ADGRL2: variants seen among roughly 807,000 people sequenced by gnomAD.
The protein encoded by ADGRL2 is calcium-independent alpha-latrotoxin receptor 2.
ADGRL2 carries 44 observed loss-of-function variants against 157.4 expected under a neutral mutation model. The observed-to-expected ratio is 0.28, with a 90% CI of 0.22 to 0.36. The LOEUF (loss-of-function observed/expected upper bound fraction) is 0.36. ADGRL2 is among the 10% of genes least tolerant of loss of function. The pLI, the probability that ADGRL2 is intolerant of heterozygous loss-of-function variation, is 1.00. For synonymous variants in ADGRL2, 585 were observed against 624.7 expected (o/e 0.94, Z 0.95); for missense variants, 1,510 against 1,768.9 (o/e 0.85, Z 2.63).
chr1:81,477,676 G>A (rs983544542), intron 2 of ADGRL2, among the ~76,000 whole-genome samples: 108 of 152,282 alleles, frequency 7.1e-4, no homozygotes, highest in African/African-American at 2.5e-3. Context: ...ACAGATGCAT[G>A]CAGCCATTTA....
chr1:81,733,365 A>C (rs1031081549), intron 1 of ADGRL2, among the ~76,000 whole-genome samples: 4 of 152,372 alleles, frequency 2.6e-5, no homozygotes, highest in African/African-American at 9.6e-5. Flanking sequence ...TGGAGGCTAG[A>C]AGTCTGAGAC....
At chr1:81,420,897 G>A (rs2077112368) in intron 1 of ADGRL2, among the ~76,000 whole-genome samples, 1 of 152,162 alleles carries the variant, frequency 6.6e-6, no homozygotes, top group Admixed American at 6.5e-5. Context: ...CTGAGTAAAA[G>A]CACTGTGGTG....
intron 2 of ADGRL2, among the ~76,000 whole-genome samples, chr1:81,843,899 C>T (rs2092691833): frequency 6.6e-6 from 1 of 152,026 alleles, no homozygotes; most frequent in East Asian, 1.9e-4. Flanking sequence ...TGATTCCATC[C>T]TCTTTTGCCT....
chr1:81,416,456 C>T (rs1346364903), intron 1 of ADGRL2, among the ~76,000 whole-genome samples: 1 of 152,126 alleles, frequency 6.6e-6, no homozygotes, highest in African/African-American at 2.4e-5. Context: ...GTGCTACCTC[C>T]TCTGTAACTT....
In ADGRL2 at chr1:81,936,711, T is replaced by G; in HGVS notation, c.288-17T>G. 10 of 1,335,350 alleles carry G rather than the reference T, an allele frequency of 7.5e-6. No homozygotes were observed. Among genetic ancestry groups the G allele is most frequent in the Non-Finnish European group, 1.1e-5 (10 of 936,322 alleles). The allele number at this position is 1,335,350 out of a possible 1,614,324, so 82.7% of individuals were successfully genotyped here. A position where few individuals can be genotyped will look rare whatever the true frequency, so the allele number is the denominator to read the frequency against. ...AATAAATTATGTTACACAAGTTTGA[T>G]ACATTTTGTTTTTCAGGTGCAACAA... On this transcript the variant is annotated splice_polypyrimidine_tract_variant and intron_variant, in intron 3 of 23. Coordinates refer to ENST00000686636, the MANE Select transcript of ADGRL2 (RefSeq NM_001366006.2).
At chr1:81,577,344 C>T (rs971576656) in intron 2 of ADGRL2, among the ~76,000 whole-genome samples, 1 of 152,302 alleles carries the variant, frequency 6.6e-6, no homozygotes, top group Admixed American at 6.5e-5. Context: ...CTCCTTGAGT[C>T]CTTCTACCTT....
chr1:81,491,835 G>A (rs17106547), intron 2 of ADGRL2, among the ~76,000 whole-genome samples: 10,693 of 152,122 alleles, frequency 0.07, 440 homozygotes, highest in African/African-American at 0.11. Flanking sequence ...TACTGTGCTC[G>A]CGAAATGTTG....
chr1:81,325,209 AAC>A lies in ADGRL2; in HGVS notation c.-302+18701_-302+18702del, dbSNP rs1660812722. ...TCAAGTTTACACAGAGGTGCACTTCAACCCAGTCCACGAAAGAACTGTTTTTA... is the reference window on the plus strand; with the variant it reads ...TCAAGTTTACACAGAGGTGCACTTCACCAGTCCACGAAAGAACTGTTTTTA... On this transcript the variant is annotated intron_variant, in intron 1 of 24. Coordinates refer to the ADGRL2 transcript ENST00000370721. Among the ~76,000 whole-genome samples the A allele has an allele frequency of 2.0e-5, 3 of 152,316 alleles. No individual in the cohort carries two copies. In the South Asian group the frequency reaches 6.2e-4, roughly 32 times the overall value.
chr1:81,985,307 T>C lies in ADGRL2; in HGVS notation c.3460T>C (p.Ser1154Pro). Reference protein sequence around the residue: ...WNDTVRKQSESSFISGDINST... With the variant: ...WNDTVRKQSEPSFISGDINST... ...TGATACTGTGAGAAAACAATCAGAA[T>C]CTTCTTTTATCTCAGGTGACATCAA... Residue 1154 changes from serine to proline, a missense_variant, in exon 21 of 24, where the codon TCT (serine) becomes CCT (proline). Physicochemically the swap from Ser to Pro is moderately conservative, Grantham distance 74 (BLOSUM62 -1). Transcript: ENST00000686636. 6.2e-7 allele frequency: 1 copy of C among 1,607,738 alleles called. No homozygotes were observed. Among genetic ancestry groups the C allele is most frequent in the Non-Finnish European group, 8.5e-7 (1 of 1,175,726 alleles).
At chr1:81,332,390 A>T (rs998167818) in intron 1 of ADGRL2, among the ~76,000 whole-genome samples, 1 of 152,158 alleles carries the variant, frequency 6.6e-6, no homozygotes, top group African/African-American at 2.4e-5. Context: ...GAGCTTGGTA[A>T]TCAAAAAACA....
At position 81,951,979 on chromosome 1, in the gene ADGRL2, C is replaced by T; in HGVS notation, c.1631C>T (p.Ala544Val). Residue 544 changes from alanine (A) to valine (V), a missense_variant, in exon 9 of 24, where the codon GCT (alanine) becomes GTT (valine). Ala to Val is a moderately conservative substitution (Grantham distance 64). This residue lies in a region of ADGRL2 where 325 missense variants were observed against 333.2 expected (regional missense o/e 0.98). Coordinates refer to ENST00000686636, the MANE Select transcript of ADGRL2 (RefSeq NM_001366006.2). ...CAGATCAGAAGCGGAGAAAATGCTG[C>T]TAGTCTTGCCAATGAACTGGCTAAA... Reference protein sequence around the residue: ...AQKIRSGENAASLANELAKHT... With the variant: ...AQKIRSGENAVSLANELAKHT... The T allele has an allele frequency of 6.2e-7, 1 of 1,606,956 alleles. No homozygotes were observed. Among genetic ancestry groups the T allele is most frequent in the Non-Finnish European group, 8.5e-7 (1 of 1,176,416 alleles).
At chr1:81,340,781 TGTGA>T (rs539168481) in intron 1 of ADGRL2, among the ~76,000 whole-genome samples, 116 of 152,200 alleles carry the variant, frequency 7.6e-4, no homozygotes, top group African/African-American at 2.6e-3. Flanking sequence ...TATGCTCCAG[TGTGA>T]GTTAGTCTAT....
intron 2 of ADGRL2, among the ~76,000 whole-genome samples, chr1:81,770,634 C>G (rs887911854): frequency 6.6e-6 from 1 of 151,938 alleles, no homozygotes; most frequent in Non-Finnish European, 1.5e-5. Context: ...CCATCACGCC[C>G]AGCTAATTTT....
In ADGRL2 at chr1:81,723,994, C is replaced by T. The variant is rs1047234669; in HGVS notation, c.-143+24186C>T. ...TTCCTAGTCAAAAAATGCGCAACTCCGTGTCTGCTTTCTGCTTGTTAAATT... is the reference window on the plus strand; with the variant it reads ...TTCCTAGTCAAAAAATGCGCAACTCTGTGTCTGCTTTCTGCTTGTTAAATT... On this transcript the variant is annotated intron_variant, in intron 1 of 20. Transcript: ENST00000359929. Among the ~76,000 whole-genome samples the T allele has an allele frequency of 5.3e-5, 8 of 152,082 alleles. No homozygotes were observed. The South Asian group carries it at 6.2e-4, about 12-fold the overall frequency.
chr1:81,331,745 T>G (rs1011575705), intron 1 of ADGRL2, among the ~76,000 whole-genome samples: 1 of 152,168 alleles, frequency 6.6e-6, no homozygotes, highest in Non-Finnish European at 1.5e-5. Flanking sequence ...CATAGATTTA[T>G]TGATCATTTA....
chr1:81,366,138 T>C (rs973132229), intron 1 of ADGRL2, among the ~76,000 whole-genome samples: 4 of 152,126 alleles, frequency 2.6e-5, no homozygotes, highest in Admixed American at 1.3e-4. Flanking sequence ...CTTTAGAGAG[T>C]AGCTCTTTCA....
At chr1:81,392,146 T>C (rs1436095004) in intron 1 of ADGRL2, among the ~76,000 whole-genome samples, 1 of 151,838 alleles carries the variant, frequency 6.6e-6, no homozygotes, top group Non-Finnish European at 1.5e-5. Context: ...TTTTGAAATA[T>C]GGATAATATT....
intron 3 of ADGRL2, among the ~76,000 whole-genome samples, chr1:81,672,647 C>T (rs2082899501): frequency 6.6e-6 from 1 of 152,052 alleles, no homozygotes; most frequent in Admixed American, 6.6e-5. Flanking sequence ...AGCATGTTTT[C>T]AAAAGCAACT....
chr1:81,453,439 T>C (rs568160499), intron 2 of ADGRL2, among the ~76,000 whole-genome samples: 19 of 152,230 alleles, frequency 1.2e-4, no homozygotes, highest in African/African-American at 4.3e-4. Flanking sequence ...TATGCAGTGA[T>C]TATGAGCCTG....
Sources: gnomAD v4.1 joint callset for allele counts (sites outside exome capture counted in the v4.1 genomes callset) on GRCh38, gnomAD v4.1.1 for gene constraint, gnomAD v4.1.1 regional missense constraint, MANE v1.5 for transcripts, NCBI Gene and HGNC (gene_info 2026-07-23, HGNC 2026-07-21) for gene names.